Variants in CBLN2 observed in about 807,000 individuals in gnomAD.
CBLN2 encodes cerebellin 2 precursor.
CBLN2 carries 7 observed loss-of-function variants against 15.0 expected under a neutral mutation model. The observed-to-expected ratio is 0.47, with a 90% CI of 0.27 to 0.88. The LOEUF (loss-of-function observed/expected upper bound fraction) is 0.88, where lower values mean the gene tolerates loss of function less well. CBLN2 is among the 40% of genes least tolerant of loss of function. CBLN2 has a pLI of 0.14. For synonymous variants in CBLN2, 149 were observed against 135.2 expected (o/e 1.10, Z -0.71); for missense variants, 242 against 304.5 (o/e 0.79, Z 1.53).
chr18:72,608,545 A>G (rs190285136), intron 1 of CBLN2, among the ~76,000 whole-genome samples: 7 of 152,198 alleles, frequency 4.6e-5, no homozygotes. Flanking sequence ...ATTCCTGATT[A>G]GTATTTTATT....
chr18:72,567,295 A>T (rs941615754), intron 1 of CBLN2, among the ~76,000 whole-genome samples: 2 of 151,556 alleles, frequency 1.3e-5, no homozygotes, highest in Non-Finnish European at 2.9e-5. Context: ...CTGTTTCTGG[A>T]GATTAAAATG....
intron 1 of CBLN2, among the ~76,000 whole-genome samples, chr18:72,620,994 T>C (rs2069697148): frequency 6.6e-6 from 1 of 152,198 alleles, no homozygotes; most frequent in Admixed American, 6.5e-5. Flanking sequence ...TCCTGAGCTT[T>C]CCCTAGGTGA....
intron 1 of CBLN2, among the ~76,000 whole-genome samples, chr18:72,606,478 A>T (rs1039569404): frequency 1.3e-5 from 2 of 152,326 alleles, no homozygotes; most frequent in East Asian, 3.9e-4. Flanking sequence ...TGTCTGTGTT[A>T]TCTGTAGAAT....
intron 1 of CBLN2, among the ~76,000 whole-genome samples, chr18:72,609,005 A>C: frequency 6.6e-6 from 1 of 152,170 alleles, no homozygotes; most frequent in East Asian, 1.9e-4. Context: ...CGATTCAATT[A>C]TCTTCACTTG....
intron 1 of CBLN2, among the ~76,000 whole-genome samples, chr18:72,581,354 A>G (rs894054172): frequency 1.3e-5 from 2 of 152,226 alleles, no homozygotes; most frequent in African/African-American, 2.4e-5. Flanking sequence ...TACTATCAAT[A>G]TATGAGAATT....
chr18:72,548,574 G>A (rs147189416), upstream of CBLN2, among the ~76,000 whole-genome samples: 1 of 152,100 alleles, frequency 6.6e-6, no homozygotes, highest in Non-Finnish European at 1.5e-5. Context: ...CACTATAAAA[G>A]CCATTTTATA....
At chr18:72,591,382 G>A (rs953232040) in intron 1 of CBLN2, among the ~76,000 whole-genome samples, 4 of 152,070 alleles carry the variant, frequency 2.6e-5, no homozygotes, top group Non-Finnish European at 5.9e-5. Flanking sequence ...TATGTGGTAA[G>A]TGTATATATT....
chr18:72,605,302 T>A (rs927203182), intron 1 of CBLN2, among the ~76,000 whole-genome samples: 4 of 152,218 alleles, frequency 2.6e-5, no homozygotes, highest in Non-Finnish European at 5.9e-5. Context: ...TGCTCTTCAC[T>A]TTTACTTCTC....
intron 1 of CBLN2, among the ~76,000 whole-genome samples, chr18:72,600,391 A>G (rs947312827): frequency 4.6e-5 from 7 of 152,194 alleles, no homozygotes; most frequent in Non-Finnish European, 2.9e-5. Flanking sequence ...CAGGGGAATC[A>G]AGAAACATGG....
intron 1 of CBLN2, among the ~76,000 whole-genome samples, chr18:72,628,042 T>G (rs2069751750): frequency 6.6e-6 from 1 of 152,232 alleles, no homozygotes; most frequent in Non-Finnish European, 1.5e-5. Flanking sequence ...GAAATATGAT[T>G]ATGTAGTCTC....
intron 1 of CBLN2, among the ~76,000 whole-genome samples, chr18:72,589,830 T>C (rs1238644302): frequency 2.6e-5 from 4 of 152,162 alleles, no homozygotes; most frequent in Non-Finnish European, 4.4e-5. Flanking sequence ...ACTTAAAAGT[T>C]TCAATAATGG....
intron 1 of CBLN2, among the ~76,000 whole-genome samples, chr18:72,560,435 C>T (rs1208769103): frequency 6.6e-6 from 1 of 151,514 alleles, no homozygotes; most frequent in African/African-American, 2.4e-5. Flanking sequence ...GTTAAGACAA[C>T]CTAGAGAATT....
At chr18:72,613,890 T>C (rs1426107567) in intron 1 of CBLN2, among the ~76,000 whole-genome samples, 1 of 152,218 alleles carries the variant, frequency 6.6e-6, no homozygotes, top group Non-Finnish European at 1.5e-5. Flanking sequence ...CGACTTCCTT[T>C]TCAGTGTCTT....
chr18:72,607,810 C>T (rs1423668282), intron 1 of CBLN2, among the ~76,000 whole-genome samples: 2 of 152,062 alleles, frequency 1.3e-5, no homozygotes, highest in Non-Finnish European at 2.9e-5. Flanking sequence ...GTAGTCTACA[C>T]CCCTAATCAG....
intron 1 of CBLN2, among the ~76,000 whole-genome samples, chr18:72,555,007 T>G (rs1598996050): frequency 6.6e-6 from 1 of 152,116 alleles, no homozygotes; most frequent in East Asian, 1.9e-4. Context: ...TGGTGGCACG[T>G]GCCTGTAATC....
At chr18:72,548,457 T>G (rs976991250), upstream of CBLN2, among the ~76,000 whole-genome samples, 1 of 152,220 alleles carries the variant, frequency 6.6e-6, no homozygotes, top group African/African-American at 2.4e-5. Context: ...ATAGGACTAT[T>G]TTGTTTTTAA....
intron 1 of CBLN2, among the ~76,000 whole-genome samples, chr18:72,556,485 G>GAGAAA (rs892553885): frequency 1.5e-4 from 23 of 152,282 alleles, no homozygotes; most frequent in Non-Finnish European, 2.2e-4. Flanking sequence ...TAGAAAGAAA[G>GAGAAA]AGAAAAGAAA....
At chr18:72,548,810 A>T (rs634392), upstream of CBLN2, among the ~76,000 whole-genome samples, 2 of 151,910 alleles carry the variant, frequency 1.3e-5, no homozygotes, top group Non-Finnish European at 2.9e-5. Flanking sequence ...AGCTTCCTGC[A>T]CCATAAATGC....
intron 1 of CBLN2, chr18:72,618,606 A>G: frequency 2.1e-6 from 2 of 965,324 alleles, no homozygotes; most frequent in Non-Finnish European, 3.2e-6. Context: ...GCATTAAAGA[A>G]GACACTGAAG....
Sources: gnomAD v4.1 joint callset for allele counts (sites outside exome capture counted in the v4.1 genomes callset) on GRCh38, gnomAD v4.1.1 for gene constraint, MANE v1.5 for transcripts, NCBI Gene and HGNC (gene_info 2026-07-23, HGNC 2026-07-21) for gene names.